The following MPHOSPH8 variants were observed in gnomAD, a reference collection of about 807,000 sequenced individuals.
The protein encoded by MPHOSPH8 is M-phase phosphoprotein, mpp.
In MPHOSPH8, 45 loss-of-function variants were observed where a neutral mutation model predicts 87.3. That is an observed-to-expected ratio of 0.52 (90% confidence interval 0.41 to 0.66). The LOEUF (loss-of-function observed/expected upper bound fraction) is 0.66. Ranked by LOEUF, MPHOSPH8 falls within the 30% of genes least tolerant of loss-of-function variation. The pLI, the probability that MPHOSPH8 is intolerant of heterozygous loss-of-function variation, is 0.00. For synonymous variants in MPHOSPH8, 366 were observed against 376.9 expected, an observed-to-expected ratio of 0.97 and a Z score of 0.33; for missense variants, 883 against 1,020.2, an observed-to-expected ratio of 0.87 and a Z score of 1.83.
At chr13:19,635,254 G>C (rs1269861844) in intron 1 of MPHOSPH8, among the ~76,000 whole-genome samples, 1 of 152,066 alleles carries the variant, frequency 6.6e-6, no homozygotes, top group African/African-American at 2.4e-5. Flanking sequence ...GGGCGCAGTG[G>C]CTTATACCTG....
chr13:19,651,864 C>A (rs7335603), intron 5 of MPHOSPH8, among the ~76,000 whole-genome samples: 3 of 151,846 alleles, frequency 2.0e-5, no homozygotes, highest in Admixed American at 2.0e-4. Context: ...CTTTGGGAGG[C>A]CGAGGCAGGC....
At chr13:19,661,092 A>G (rs930454844) in intron 7 of MPHOSPH8, 2 of 347,172 alleles carry the variant, frequency 5.8e-6, no homozygotes, top group African/African-American at 4.4e-5. Context: ...CACCGTCTCA[A>G]TAAAAAAGAA....
At chr13:19,671,132 T>C in intron 12 of MPHOSPH8, 74 bp from the exon 13 acceptor site, 3 of 1,555,424 alleles carry the variant, frequency 1.9e-6, no homozygotes, top group Non-Finnish European at 2.6e-6. Context: ...ATGATTCTTT[T>C]ACATCATTGG....
Position 19,650,281 on chromosome 13 carries a change from C to T in MPHOSPH8, c.1576+21C>T, listed in dbSNP as rs773194033. 2.5e-6 allele frequency: 4 copies of T among 1,606,004 alleles called. No individual in the cohort carries two copies. In the South Asian group the frequency reaches 4.4e-5, roughly 18 times the overall value. Reference sequence around the variant, plus strand: ...TTCAGGTGAGTTTGGAATCATTTTGCAGAATTTTTCAAGGTAGTGCACCAT... The same window carrying T: ...TTCAGGTGAGTTTGGAATCATTTTGTAGAATTTTTCAAGGTAGTGCACCAT... On this transcript the variant is annotated intron_variant, in intron 5 of 13. Coordinates refer to ENST00000361479, the MANE Select transcript of MPHOSPH8 (RefSeq NM_017520.4).
intron 7 of MPHOSPH8, 23 bp from the exon 8 acceptor site, chr13:19,661,675 T>C (rs1194328766): frequency 6.4e-7 from 1 of 1,568,534 alleles, no homozygotes; most frequent in African/African-American, 1.4e-5. Flanking sequence ...TTAACACGTT[T>C]TTTATTTAAC....
Position 19,670,820 on chromosome 13 carries a change from C to CTT in MPHOSPH8, c.2458-372_2458-371dup, listed in dbSNP as rs3052670. On this transcript the variant is annotated intron_variant, in intron 12 of 13. Coordinates refer to ENST00000361479, the MANE Select transcript of MPHOSPH8 (RefSeq NM_017520.4). Reference sequence around the variant, plus strand: ...AATAAATCAAGGGAAAAATAAATCACTTTTTTTTTTTTTTTGAAGACAGGG... The same window carrying CTT: ...AATAAATCAAGGGAAAAATAAATCACTTTTTTTTTTTTTTTTTGAAGACAGGG... The CTT allele has an allele frequency of 6.7e-3, 6,408 of 962,860 alleles. 2 individuals carry two copies. The highest frequency in any genetic ancestry group is 0.016 in the African/African-American group (912 of 55,422). The allele number at this position is 962,860 out of a possible 1,614,324, so 59.6% of individuals were successfully genotyped here.
At chr13:19,638,100 CAA>C (rs56291104) in intron 1 of MPHOSPH8, among the ~76,000 whole-genome samples, 5 of 132,286 alleles carry the variant, frequency 3.8e-5, no homozygotes, top group Admixed American at 7.7e-5. Flanking sequence ...GACTCCATCT[CAA>C]AAAAAAAAAA....
intron 2 of MPHOSPH8, among the ~76,000 whole-genome samples, chr13:19,642,576 G>A (rs1189326538): frequency 5.9e-5 from 9 of 151,828 alleles, no homozygotes; most frequent in Admixed American, 3.9e-4. Flanking sequence ...TCATTTGTTC[G>A]TCCGTGACAT....
chr13:19,661,604 G>A, intron 7 of MPHOSPH8, 94 bp from the exon 8 acceptor site: 1 of 1,348,770 alleles, frequency 7.4e-7, no homozygotes, highest in South Asian at 1.5e-5. Flanking sequence ...GCCTATTAGT[G>A]ATTTCACATT....
At chr13:19,670,635 A>G (rs1876070651) in intron 12 of MPHOSPH8, among the ~76,000 whole-genome samples, 1 of 152,116 alleles carries the variant, frequency 6.6e-6, no homozygotes, top group African/African-American at 2.4e-5. Flanking sequence ...ATGATCTCAA[A>G]GATTCTTTGT....
intron 8 of MPHOSPH8, among the ~76,000 whole-genome samples, chr13:19,662,066 C>T (rs2137535348): frequency 6.6e-6 from 1 of 152,086 alleles, no homozygotes; most frequent in East Asian, 1.9e-4. Flanking sequence ...TCCTGAGTAG[C>T]TGGGACTACA....
At chr13:19,650,481 G>A (rs571151924) in intron 5 of MPHOSPH8, 23 of 412,190 alleles carry the variant, frequency 5.6e-5, no homozygotes, top group African/African-American at 8.1e-5. Context: ...TTCTCAGCAC[G>A]TATAGAAATT....
At chr13:19,637,043 G>A (rs1874046173) in intron 1 of MPHOSPH8, among the ~76,000 whole-genome samples, 1 of 152,158 alleles carries the variant, frequency 6.6e-6, no homozygotes, top group Admixed American at 6.6e-5. Context: ...ATCTGTATTT[G>A]TATACTGCCA....
rs1394882157 is a variant in MPHOSPH8, at chr13:19,633,973, G to A, written c.213+12G>A. The A allele has an allele frequency of 2.5e-6, 4 of 1,600,734 alleles. No homozygotes were observed. Among genetic ancestry groups the A allele is most frequent in the Non-Finnish European group, 3.4e-6 (4 of 1,174,552 alleles). ...TGAAGACCGAGGGGGTATGTGGAGG[G>A]GCCCCGGCGCGGGGCTGGGCGGGGA... is the stretch of plus-strand genomic sequence containing the variant. On this transcript the variant is annotated intron_variant, in intron 1 of 13. Coordinates refer to ENST00000361479, the MANE Select transcript of MPHOSPH8 (RefSeq NM_017520.4).
rs1350746432 is a variant in MPHOSPH8 at position 19,670,345 on chromosome 13, T to C, written c.2439T>C (p.Phe813=). 6.2e-7 allele frequency: 1 copy of C among 1,614,010 alleles called. No individual in the cohort carries two copies. Among genetic ancestry groups the C allele is most frequent in the Non-Finnish European group, 8.5e-7 (1 of 1,179,964 alleles). ...AAGCTGTAGTTCTGAATGATAAATT[T>C]CAGCTTCCTGTTTTTCTGGTAAGAT... ...SVQAVVLNDK[F]QLPVFLDSHF... Residue 813 remains phenylalanine (F), a synonymous_variant, in exon 12 of 14, where the codon TTT becomes TTC. Coordinates refer to ENST00000361479, the MANE Select transcript of MPHOSPH8 (RefSeq NM_017520.4).
At chr13:19,656,072 G>A (rs888029872) in intron 5 of MPHOSPH8, among the ~76,000 whole-genome samples, 1 of 152,054 alleles carries the variant, frequency 6.6e-6, no homozygotes, top group Non-Finnish European at 1.5e-5. Context: ...TTGTACTCCA[G>A]CCTGGGCAAC....
At chr13:19,671,621 A>T (rs1199438287) in intron 13 of MPHOSPH8, among the ~76,000 whole-genome samples, 1 of 152,236 alleles carries the variant, frequency 6.6e-6, no homozygotes, top group Admixed American at 6.5e-5. Context: ...AGCTGGACAA[A>T]ATAGTCTCTC....
Position 19,672,873 on chromosome 13 carries a change from A to T in MPHOSPH8, c.*998A>T. On this transcript the variant is annotated 3_prime_UTR_variant, in exon 14 of 14. Transcript: ENST00000361479. The stretch of plus-strand genomic sequence containing the variant: ...CCAGCGCTTTGGAGGCTGAGGTTGG[A>T]GGATTGCTTAAGTCCAGGAGTTCAA... 1 of 344,404 alleles carries T rather than the reference A, an allele frequency of 2.9e-6. No individual in the cohort carries two copies. Among genetic ancestry groups the T allele is most frequent in the Non-Finnish European group, 5.7e-6 (1 of 176,196 alleles). 21.3% of individuals were successfully genotyped at this position (344,404 alleles called of 1,614,324 possible).
intron 9 of MPHOSPH8, among the ~76,000 whole-genome samples, chr13:19,665,297 T>G (rs1875751885): frequency 6.6e-6 from 1 of 152,182 alleles, no homozygotes; most frequent in African/African-American, 2.4e-5. Context: ...AAGTTTGAGT[T>G]TTAGAATGAG....
Sources: gnomAD v4.1 joint callset for allele counts (sites outside exome capture counted in the v4.1 genomes callset) on GRCh38, gnomAD v4.1.1 for gene constraint, MANE v1.5 for transcripts, NCBI Gene and HGNC (gene_info 2026-07-23, HGNC 2026-07-21) for gene names.